The following NCKAP5 variants were observed in gnomAD, a reference collection of about 807,000 sequenced individuals.
NCKAP5 encodes the protein NCK associated protein 5.
In NCKAP5, 92 loss-of-function variants were observed where a neutral mutation model predicts 167.0. The observed-to-expected ratio is 0.55, with a 90% CI of 0.47 to 0.66. The LOEUF is 0.66. Ranked by LOEUF, NCKAP5 falls within the 30% of genes least tolerant of loss-of-function variation. The pLI is 0.00. For synonymous variants in NCKAP5, 891 were observed against 877.4 expected (o/e 1.02, Z -0.27); for missense variants, 2,378 against 2,315.0 (o/e 1.03, Z -0.56).
Position 133,542,733 on chromosome 2 carries a change from T to C in NCKAP5, c.-62+16317A>G, listed in dbSNP as rs191307667. On this transcript the variant is annotated intron_variant, in intron 2 of 19. Transcript: ENST00000409261. ...TATGTATTACGTTCTTGTCATCTCCTGGAAATTCTTAAACTCTGCAGACTA... is the reference window on the plus strand; with the variant it reads ...TATGTATTACGTTCTTGTCATCTCCCGGAAATTCTTAAACTCTGCAGACTA... Among the ~76,000 whole-genome samples, 276 of 152,302 alleles carry C rather than the reference T, an allele frequency of 1.8e-3. 1 individual carries two copies. The highest frequency in any genetic ancestry group is 6.3e-3 in the African/African-American group (261 of 41,558).
intron 7 of NCKAP5, among the ~76,000 whole-genome samples, chr2:132,989,537 T>C (rs1462776962): frequency 6.6e-6 from 1 of 152,184 alleles, no homozygotes; most frequent in East Asian, 1.9e-4. Flanking sequence ...TAGGGGCATA[T>C]GTCACCTTCC....
At position 132,796,465 on chromosome 2, in the gene NCKAP5, G is replaced by T. The variant is rs1398849871; in HGVS notation, c.909+163C>A. Among the ~76,000 whole-genome samples the T allele has an allele frequency of 2.6e-5, 4 of 152,210 alleles. No individual in the cohort carries two copies. The East Asian group carries it at 7.7e-4, about 29-fold the overall frequency. On this transcript the variant is annotated intron_variant, in intron 12 of 19. Coordinates refer to ENST00000409261, the MANE Select transcript of NCKAP5 (RefSeq NM_207363.3). ...ACACTTTCTGCTTACTATATCAGCT[G>T]GGGGACATGATATTGAATTTCAGAG...
intron 8 of NCKAP5, among the ~76,000 whole-genome samples, chr2:132,905,193 T>C (rs1693914166): frequency 6.6e-6 from 1 of 152,220 alleles, no homozygotes; most frequent in Admixed American, 6.5e-5. Context: ...AGTGATATTA[T>C]TGTCCCAGAA....
At chr2:133,643,553 C>A in the NCKAP5 span, among the ~76,000 whole-genome samples, 3 of 152,038 alleles carry the variant, frequency 2.0e-5, no homozygotes, top group African/African-American at 7.3e-5. Flanking sequence ...TCAAATATAC[C>A]CCCATTGCCA....
chr2:133,658,332 A>G, the NCKAP5 span, among the ~76,000 whole-genome samples: 1 of 152,184 alleles, frequency 6.6e-6, no homozygotes, highest in Non-Finnish European at 1.5e-5. Context: ...AGGAGCTGCA[A>G]AGTAGTGGTG....
chr2:133,404,727 T>C (rs1688315964), intron 3 of NCKAP5, among the ~76,000 whole-genome samples: 1 of 152,238 alleles, frequency 6.6e-6, no homozygotes, highest in African/African-American at 2.4e-5. Context: ...TTGTCCATTG[T>C]CTTTCTTGCA....
chr2:133,069,057 A>T (rs1021775483), intron 6 of NCKAP5, among the ~76,000 whole-genome samples: 5 of 152,218 alleles, frequency 3.3e-5, no homozygotes, highest in African/African-American at 1.2e-4. Context: ...ATGGTGCAAA[A>T]CTGTAACCCA....
chr2:132,771,410 A>G (rs563172523), intron 16 of NCKAP5, among the ~76,000 whole-genome samples: 52 of 152,372 alleles, frequency 3.4e-4, no homozygotes, highest in Middle Eastern at 3.4e-3. Flanking sequence ...GCTAAGTATT[A>G]TCACAAAGTC....
intron 5 of NCKAP5, among the ~76,000 whole-genome samples, chr2:133,197,850 T>C (rs549361759): frequency 4.6e-5 from 7 of 152,198 alleles, no homozygotes; most frequent in Non-Finnish European, 1.5e-5. Flanking sequence ...CTCAGGAGGC[T>C]GAGGCAGGGG....
At chr2:133,273,018 G>A (rs1017133979) in intron 4 of NCKAP5, among the ~76,000 whole-genome samples, 3 of 152,086 alleles carry the variant, frequency 2.0e-5, no homozygotes, top group African/African-American at 7.2e-5. Context: ...AAACATTCAT[G>A]TACAAGTTTT....
intron 8 of NCKAP5, among the ~76,000 whole-genome samples, chr2:132,953,199 T>C (rs765987135): frequency 9.9e-5 from 15 of 152,242 alleles, no homozygotes; most frequent in Non-Finnish European, 1.9e-4. Flanking sequence ...ATAGGTGCCC[T>C]GGCCCTTGAC....
At chr2:132,959,868 T>A (rs1034112428) in intron 8 of NCKAP5, among the ~76,000 whole-genome samples, 2 of 152,126 alleles carry the variant, frequency 1.3e-5, no homozygotes, top group Non-Finnish European at 2.9e-5. Flanking sequence ...CCCAAACTTT[T>A]AAAATACATA....
intron 19 of NCKAP5, among the ~76,000 whole-genome samples, chr2:132,703,601 G>T (rs1302161710): frequency 2.6e-5 from 4 of 152,166 alleles, no homozygotes; most frequent in Non-Finnish European, 4.4e-5. Flanking sequence ...GGCTGACGTT[G>T]AAGACTTGGA....
At chr2:133,113,823 G>A (rs1311127874) in intron 6 of NCKAP5, among the ~76,000 whole-genome samples, 1 of 152,170 alleles carries the variant, frequency 6.6e-6, no homozygotes, top group Non-Finnish European at 1.5e-5. Context: ...AGTGGTAATG[G>A]GAACATGGAG....
At position 133,184,442 on chromosome 2, in the gene NCKAP5, C is replaced by A. The variant is rs566732792; in HGVS notation, c.207+29274G>T. Among the ~76,000 whole-genome samples the A allele has an allele frequency of 5.1e-4, 78 of 152,216 alleles. No homozygotes were observed. The South Asian group carries it at 0.016, about 31-fold the overall frequency. ...GTGACTAACATATGAATGCATGTGT[C>A]TTTTTGGTAGAACAATTTATATTCC... is the stretch of plus-strand genomic sequence containing the variant. On this transcript the variant is annotated intron_variant, in intron 5 of 19. Coordinates refer to ENST00000409261, the MANE Select transcript of NCKAP5 (RefSeq NM_207363.3).
chr2:132,823,733 C>A (rs1686929961), intron 11 of NCKAP5, among the ~76,000 whole-genome samples: 1 of 152,068 alleles, frequency 6.6e-6, no homozygotes, highest in Admixed American at 6.5e-5. Context: ...TGTAAATAGC[C>A]TAAATGCTCT....
Position 133,183,886 on chromosome 2 carries a change from T to C in NCKAP5, c.207+29830A>G, listed in dbSNP as rs139410412. Among the ~76,000 whole-genome samples, 79 of 152,272 alleles carry C rather than the reference T, an allele frequency of 5.2e-4. No homozygotes were observed. The East Asian group carries it at 0.015, about 29-fold the overall frequency. ...TCTCACAGAATCATAGGATACAAGA[T>C]TAGCACCCAAAAATCTACTGTATTT... On this transcript the variant is annotated intron_variant, in intron 5 of 19. Coordinates refer to ENST00000409261, the MANE Select transcript of NCKAP5 (RefSeq NM_207363.3).
chr2:133,251,225 T>C (rs868498788), intron 4 of NCKAP5, among the ~76,000 whole-genome samples: 1 of 152,212 alleles, frequency 6.6e-6, no homozygotes, highest in Non-Finnish European at 1.5e-5. Context: ...GTAGGTTATA[T>C]GCAAATCCTA....
intron 19 of NCKAP5, among the ~76,000 whole-genome samples, chr2:132,692,785 G>A (rs899660037): frequency 7.2e-5 from 11 of 152,100 alleles, no homozygotes; most frequent in African/African-American, 4.8e-5. Flanking sequence ...GTTATTACAC[G>A]AGCTAAGTTA....
Sources: allele counts gnomAD v4.1 joint callset (sites outside exome capture counted in the v4.1 genomes callset), GRCh38; gene constraint gnomAD v4.1.1; transcripts MANE v1.5; gene names NCBI Gene and HGNC (gene_info 2026-07-23, HGNC 2026-07-21).